Variants in RGS6 observed in about 807,000 individuals in gnomAD.
RGS6 encodes the protein regulator of G protein signaling 6.
A neutral mutation model predicts 78.5 loss-of-function variants in RGS6; 30 were observed. That is an observed-to-expected ratio of 0.38 (90% CI 0.29 to 0.52). RGS6 has a LOEUF of 0.52. Among genes scored for constraint, RGS6 ranks in the 20% least tolerant of loss-of-function variants. RGS6 has a pLI of 0.85. For missense variants in RGS6, 495 were observed against 609.7 expected (o/e 0.81, Z 1.98); for synonymous variants, 206 against 206.0 (o/e 1.00, Z 0.00).
the RGS6 span, chr14:72,612,482 T>G: frequency 1.9e-6 from 1 of 518,572 alleles, no homozygotes; most frequent in Non-Finnish European, 3.8e-6. Context: ...ATGTTGAAAA[T>G]GTGCACGGGG....
intron 2 of RGS6, among the ~76,000 whole-genome samples, chr14:72,323,757 C>T (rs764691045): frequency 8.2e-5 from 10 of 121,844 alleles, no homozygotes; most frequent in South Asian, 2.8e-4. Context: ...AGCCCAGCGG[C>T]GCCACTGCAC....
chr14:72,509,541 C>T (rs1486548673), intron 13 of RGS6, among the ~76,000 whole-genome samples: 2 of 152,280 alleles, frequency 1.3e-5, no homozygotes, highest in East Asian at 3.9e-4. Flanking sequence ...GTTGTGAGGA[C>T]TCAGTGGGTT....
chr14:72,055,919 A>G (rs2093597128), intron 2 of RGS6, among the ~76,000 whole-genome samples: 1 of 152,222 alleles, frequency 6.6e-6, no homozygotes, highest in African/African-American at 2.4e-5. Context: ...TAGAAATTCA[A>G]TAAAAGTTAG....
intron 13 of RGS6, among the ~76,000 whole-genome samples, chr14:72,497,188 A>ATC (rs2096656801): frequency 6.6e-6 from 1 of 152,206 alleles, no homozygotes; most frequent in African/African-American, 2.4e-5. Context: ...ACTGTAACAC[A>ATC]TCTTTTTCAT....
In RGS6 at chr14:72,086,061, C is replaced by T. The variant is rs1020651859; in HGVS notation, c.84+121186C>T. Reference sequence around the variant, plus strand: ...CTGTGACATTTATTTCTGCTCTCTTCCCTTTGAGATATGCTGAAGTCATTT... The same window carrying T: ...CTGTGACATTTATTTCTGCTCTCTTTCCTTTGAGATATGCTGAAGTCATTT... On this transcript the variant is annotated intron_variant, in intron 2 of 17. Coordinates refer to ENST00000553525, the MANE Select transcript of RGS6 (RefSeq NM_001204424.2). Among the ~76,000 whole-genome samples the T allele has an allele frequency of 5.9e-5, 9 of 152,124 alleles. No individual in the cohort carries two copies. The South Asian group carries it at 1.5e-3, about 25-fold the overall frequency.
intron 3 of RGS6, among the ~76,000 whole-genome samples, chr14:72,352,452 A>C (rs746633898): frequency 2.0e-5 from 3 of 152,210 alleles, no homozygotes; most frequent in African/African-American, 7.2e-5. Context: ...AAACCCATTA[A>C]TAAAGTGGCG....
At chr14:71,904,382 T>C in the RGS6 span, among the ~76,000 whole-genome samples, 1 of 152,170 alleles carries the variant, frequency 6.6e-6, no homozygotes, top group Non-Finnish European at 1.5e-5. Context: ...AGCCCTGGCT[T>C]TTTTCTTCCC....
intron 2 of RGS6, among the ~76,000 whole-genome samples, chr14:72,033,785 A>G (rs1181998572): frequency 6.6e-6 from 1 of 152,144 alleles, no homozygotes; most frequent in African/African-American, 2.4e-5. Context: ...TAATATGGCA[A>G]TTCTACTTTT....
intron 2 of RGS6, among the ~76,000 whole-genome samples, chr14:72,275,254 A>T (rs2060504314): frequency 6.6e-6 from 1 of 152,250 alleles, no homozygotes; most frequent in South Asian, 2.1e-4. Flanking sequence ...TGACACAATA[A>T]TTAGAAATGT....
chr14:72,291,713 T>A (rs1007626774), intron 2 of RGS6, among the ~76,000 whole-genome samples: 4 of 152,110 alleles, frequency 2.6e-5, no homozygotes, highest in South Asian at 4.1e-4. Flanking sequence ...CTGGCTAAAA[T>A]CATGCTCAAA....
chr14:72,057,687 A>T (rs2093687665), intron 2 of RGS6, among the ~76,000 whole-genome samples: 1 of 152,026 alleles, frequency 6.6e-6, no homozygotes, highest in African/African-American at 2.4e-5. Context: ...ATTGCAGTGA[A>T]TTTTTCTTAA....
chr14:72,228,287 A>G (rs1287283222), intron 2 of RGS6, among the ~76,000 whole-genome samples: 1 of 152,146 alleles, frequency 6.6e-6, no homozygotes, highest in East Asian at 1.9e-4. Flanking sequence ...AGGCTGAGGC[A>G]GGAGAATTCC....
Position 72,067,024 on chromosome 14 carries a change from G to A in RGS6, c.84+102149G>A, listed in dbSNP as rs1008521049. Among the ~76,000 whole-genome samples, 15 of 152,100 alleles carry A rather than the reference G, an allele frequency of 9.9e-5. 1 individual carries two copies. Among genetic ancestry groups the A allele is most frequent in the Admixed American group, 9.8e-4 (15 of 15,262 alleles). On this transcript the variant is annotated intron_variant, in intron 2 of 17. Transcript: ENST00000553525. ...TTTTATGGCTGCATAGTTTTCCATG[G>A]TGTATATGTGCCACATTTTCTTTAT...
intron 3 of RGS6, among the ~76,000 whole-genome samples, chr14:72,418,609 A>G (rs547471676): frequency 6.6e-6 from 1 of 152,230 alleles, no homozygotes; most frequent in Non-Finnish European, 1.5e-5. Context: ...CCAATGATGG[A>G]TAGAGAGGCA....
intron 2 of RGS6, among the ~76,000 whole-genome samples, chr14:72,168,214 C>A (rs1410358632): frequency 6.6e-6 from 1 of 152,188 alleles, no homozygotes; most frequent in Non-Finnish European, 1.5e-5. Context: ...TCATGCAGCA[C>A]CTGGTGCACA....
downstream of RGS6, among the ~76,000 whole-genome samples, chr14:72,569,583 G>A (rs974773544): frequency 1.4e-4 from 21 of 152,064 alleles, no homozygotes; most frequent in Admixed American, 1.3e-4. Flanking sequence ...AGGAGGCTGA[G>A]GCACAAGAAT....
At chr14:72,471,596 A>G (rs980998391) in intron 8 of RGS6, among the ~76,000 whole-genome samples, 1 of 152,082 alleles carries the variant, frequency 6.6e-6, no homozygotes, top group Admixed American at 6.6e-5. Flanking sequence ...CATCACAGCT[A>G]TGGTCACAGT....
intron 2 of RGS6, among the ~76,000 whole-genome samples, chr14:72,059,534 G>A (rs78708237): frequency 8.3e-4 from 126 of 152,294 alleles, no homozygotes; most frequent in Middle Eastern, 3.4e-3. Context: ...GCCTGGTACT[G>A]TTTAGAACAC....
intron 2 of RGS6, among the ~76,000 whole-genome samples, chr14:72,265,588 C>G (rs2058909148): frequency 6.6e-6 from 1 of 152,164 alleles, no homozygotes. Context: ...TTAACTCTAC[C>G]ATCACCACCT....
Sources: allele counts gnomAD v4.1 joint callset (sites outside exome capture counted in the v4.1 genomes callset), GRCh38; gene constraint gnomAD v4.1.1; transcripts MANE v1.5; gene names NCBI Gene and HGNC (gene_info 2026-07-23, HGNC 2026-07-21).